The following CHLSN variants were observed in gnomAD, a reference collection of about 807,000 sequenced individuals.
CHLSN encodes protein cholesin.
At chr7:1,092,294 C>T in the CHLSN span, 10 of 1,611,666 alleles carry the variant, frequency 6.2e-6, no homozygotes, top group Admixed American at 1.7e-5. Context: ...GTGTCAGCCA[C>T]GCTGGTGCCC....
the CHLSN span, among the ~76,000 whole-genome samples, chr7:989,881 G>T: frequency 1.4e-5 from 2 of 147,300 alleles, no homozygotes; most frequent in African/African-American, 5.1e-5. Flanking sequence ...CGGTGTGGTC[G>T]GCAGTGTGAG....
chr7:1,101,443 G>A, the CHLSN span, among the ~76,000 whole-genome samples: 11 of 152,236 alleles, frequency 7.2e-5, no homozygotes, highest in Non-Finnish European at 1.6e-4. Context: ...GGCTGGCTCT[G>A]TAGAATGTGA....
the CHLSN span, among the ~76,000 whole-genome samples, chr7:1,134,252 G>A: frequency 3.3e-5 from 5 of 149,992 alleles, no homozygotes; most frequent in South Asian, 2.1e-4. Context: ...CAGCCTCGGC[G>A]ACAGAGTGAG....
At chr7:1,013,676 G>A in the CHLSN span, among the ~76,000 whole-genome samples, 2 of 152,170 alleles carry the variant, frequency 1.3e-5, no homozygotes, top group South Asian at 2.1e-4. Flanking sequence ...CAGATGGGAC[G>A]GGCCTCATGG....
At chr7:1,001,543 C>A in the CHLSN span, among the ~76,000 whole-genome samples, 5 of 116,162 alleles carry the variant, frequency 4.3e-5, no homozygotes, top group African/African-American at 1.7e-4. Flanking sequence ...GTGGGGAGTC[C>A]TGTGGGTGAG....
At chr7:1,053,374 C>T in the CHLSN span, among the ~76,000 whole-genome samples, 1 of 152,228 alleles carries the variant, frequency 6.6e-6, no homozygotes, top group South Asian at 2.1e-4. Flanking sequence ...GCTAATGTGC[C>T]CGGAACAGCT....
At chr7:1,124,405 G>A in the CHLSN span, among the ~76,000 whole-genome samples, 3 of 151,698 alleles carry the variant, frequency 2.0e-5, no homozygotes, top group African/African-American at 7.3e-5. Flanking sequence ...GCCCACCAAA[G>A]TCGTGTGTGC....
the CHLSN span, among the ~76,000 whole-genome samples, chr7:1,136,034 G>A: frequency 2.1e-4 from 24 of 113,280 alleles, no homozygotes; most frequent in African/African-American, 8.2e-4. Context: ...ATAAATATAT[G>A]TATAAATATA....
At chr7:1,136,729 CAAGCTT>C in the CHLSN span, among the ~76,000 whole-genome samples, 1 of 151,012 alleles carries the variant, frequency 6.6e-6, no homozygotes, top group Non-Finnish European at 1.5e-5. Context: ...TATATCATCT[CAAGCTT>C]AAGAATTCGT....
the CHLSN span, among the ~76,000 whole-genome samples, chr7:1,012,228 C>G: frequency 6.6e-6 from 1 of 152,258 alleles, no homozygotes; most frequent in Non-Finnish European, 1.5e-5. Context: ...GGCCGAGGGT[C>G]TGTCAGCCCA....
the CHLSN span, chr7:1,028,220 C>T: frequency 3.7e-5 from 40 of 1,074,690 alleles, no homozygotes; most frequent in Middle Eastern, 4.5e-4. Flanking sequence ...CATCCCCTCC[C>T]TGCAGCCCGA....
chr7:1,073,634 C>A, the CHLSN span, among the ~76,000 whole-genome samples: 1 of 152,126 alleles, frequency 6.6e-6, no homozygotes, highest in African/African-American at 2.4e-5. Context: ...CTGTTCAAAG[C>A]CGCCACTGCC....
chr7:1,017,033 C>T, the CHLSN span, among the ~76,000 whole-genome samples: 1 of 152,254 alleles, frequency 6.6e-6, no homozygotes, highest in South Asian at 2.1e-4. Flanking sequence ...CGCCCACCCA[C>T]GCACCCTGGT....
chr7:984,724 G>T, the CHLSN span: 16 of 1,252,902 alleles, frequency 1.3e-5, no homozygotes, highest in Non-Finnish European at 1.7e-5. Flanking sequence ...GCTGAGAAGG[G>T]CCAGGTGTCC....
chr7:985,103 A>G, the CHLSN span: 6 of 1,611,492 alleles, frequency 3.7e-6, no homozygotes, highest in Non-Finnish European at 5.1e-6. Flanking sequence ...TACAGAGGTG[A>G]GCAGGGGGCC....
At chr7:978,154 T>C in the CHLSN span, among the ~76,000 whole-genome samples, 5 of 152,280 alleles carry the variant, frequency 3.3e-5, no homozygotes, top group African/African-American at 1.2e-4. Flanking sequence ...CAAATGATTA[T>C]TGCTTTATAT....
chr7:1,007,453 C>T, the CHLSN span, among the ~76,000 whole-genome samples: 121 of 152,336 alleles, frequency 7.9e-4, no homozygotes, highest in African/African-American at 2.7e-3. Context: ...TGGGAATCCC[C>T]GGGCTCCCTC....
At chr7:1,099,045 T>C in the CHLSN span, among the ~76,000 whole-genome samples, 1 of 152,290 alleles carries the variant, frequency 6.6e-6, no homozygotes, top group African/African-American at 2.4e-5. Flanking sequence ...GCTGTGTTCC[T>C]GCAGCTGGCC....
the CHLSN span, among the ~76,000 whole-genome samples, chr7:1,094,880 G>A: frequency 2.6e-5 from 4 of 152,306 alleles, no homozygotes; most frequent in Admixed American, 1.3e-4. Flanking sequence ...TGCCCAGACC[G>A]TGGCCTGCAG....
Sources: allele counts gnomAD v4.1 joint callset (sites outside exome capture counted in the v4.1 genomes callset), GRCh38; gene constraint gnomAD v4.1.1; transcripts MANE v1.5; gene names NCBI Gene and HGNC (gene_info 2026-07-23, HGNC 2026-07-21).